Variants in ENKUR observed in about 807,000 individuals in gnomAD.
ENKUR encodes enkurin, TRPC channel interacting protein, also known as enkurin.
A neutral mutation model predicts 27.6 loss-of-function variants in ENKUR; 19 were observed. The observed-to-expected ratio is 0.69, with a 90% CI of 0.48 to 1.01. The LOEUF is 1.01. Among genes scored for constraint, ENKUR ranks in the 50% least tolerant of loss-of-function variants. The pLI is 0.00. For missense variants in ENKUR, 312 were observed against 310.5 expected (o/e 1.00, Z -0.04); for synonymous variants, 117 against 96.9 (o/e 1.21, Z -1.22).
At chr10:25,023,667 T>G in intron 2 of ENKUR, 1 of 1,614,062 alleles carries the variant, frequency 6.2e-7, no homozygotes, top group East Asian at 2.2e-5. Flanking sequence ...TGAAGAAAAA[T>G]GGAATAATTG....
chr10:25,028,333 G>C (rs1334306357), intron 2 of ENKUR, among the ~76,000 whole-genome samples: 1 of 152,068 alleles, frequency 6.6e-6, no homozygotes, highest in African/African-American at 2.4e-5. Context: ...CACACCTCAG[G>C]CTTCCCATCA....
At chr10:24,987,056 C>G (rs1333768448) in intron 4 of ENKUR, among the ~76,000 whole-genome samples, 1 of 152,204 alleles carries the variant, frequency 6.6e-6, no homozygotes, top group Non-Finnish European at 1.5e-5. Context: ...AGCTCTTTCG[C>G]CCTCTGGCCT....
chr10:25,026,837 T>A (rs550763459), intron 2 of ENKUR, among the ~76,000 whole-genome samples: 118 of 152,322 alleles, frequency 7.7e-4, no homozygotes, highest in Middle Eastern at 3.4e-3. Flanking sequence ...TTAATTTTTT[T>A]AAAATTAAAC....
chr10:25,032,300 A>G (rs535977783), intron 2 of ENKUR, among the ~76,000 whole-genome samples: 86 of 139,466 alleles, frequency 6.2e-4, no homozygotes, highest in African/African-American at 2.4e-3. Context: ...AGGGAATTAG[A>G]ATCAGAGTAA....
At chr10:25,025,667 C>T (rs1157764842) in intron 2 of ENKUR, 9 of 539,194 alleles carry the variant, frequency 1.7e-5, no homozygotes, top group South Asian at 5.5e-5. Context: ...ACACAGTGCA[C>T]GGACCTTTGA....
intron 2 of ENKUR, among the ~76,000 whole-genome samples, chr10:25,052,459 A>T (rs1334182381): frequency 1.3e-5 from 2 of 152,228 alleles, no homozygotes; most frequent in Non-Finnish European, 2.9e-5. Flanking sequence ...CCTAGTAAGT[A>T]CATTTACACT....
upstream of ENKUR, among the ~76,000 whole-genome samples, chr10:25,019,470 T>C (rs1850675665): frequency 1.3e-5 from 2 of 152,146 alleles, no homozygotes; most frequent in South Asian, 4.1e-4. Context: ...TGGGAGCCTG[T>C]CTGAAAAACA....
At position 24,983,220 on chromosome 10, in the gene ENKUR, G is replaced by A. The variant is rs916143681; in HGVS notation, c.*1150C>T. On this transcript the variant is annotated 3_prime_UTR_variant, in exon 6 of 6. Transcript: ENST00000331161. ...CTTTATCAGGAAACTGAGATTTGGA[G>A]TTAGTTTGTTAAAGCAACTTAAGTT... is the stretch of plus-strand genomic sequence containing the variant. The A allele has an allele frequency of 6.6e-6, 1 of 152,142 alleles. No homozygotes were observed. Among genetic ancestry groups the A allele is most frequent in the African/African-American group, 2.4e-5 (1 of 41,436 alleles). The allele number at this position is 152,142 out of a possible 1,614,324, so 9.4% of individuals were successfully genotyped here. A position where few individuals can be genotyped will look rare whatever the true frequency, so the allele number is the denominator to read the frequency against.
At chr10:25,027,524 G>T (rs574735859) in intron 2 of ENKUR, among the ~76,000 whole-genome samples, 59 of 144,242 alleles carry the variant, frequency 4.1e-4, no homozygotes, top group African/African-American at 1.4e-3. Context: ...GGCAACAAGA[G>T]CAAAACTCCG....
At chr10:25,023,605 G>C (rs746532934) in intron 2 of ENKUR, 1 of 1,614,130 alleles carries the variant, frequency 6.2e-7, no homozygotes, top group Non-Finnish European at 8.5e-7. Flanking sequence ...ATCTGGAAGT[G>C]TGATTTCCCT....
intron 2 of ENKUR, among the ~76,000 whole-genome samples, chr10:24,996,192 G>A (rs1211834273): frequency 1.3e-5 from 2 of 152,188 alleles, no homozygotes; most frequent in Non-Finnish European, 2.9e-5. Context: ...CCACGGTGAC[G>A]TGGGCAGATC....
At chr10:25,059,792 C>T (rs1386284269) in intron 2 of ENKUR, among the ~76,000 whole-genome samples, 2 of 151,942 alleles carry the variant, frequency 1.3e-5, no homozygotes, top group African/African-American at 4.8e-5. Context: ...CCACTGCATT[C>T]CAGCCTGGGT....
intron 2 of ENKUR, chr10:25,025,087 G>A (rs1011940155): frequency 4.3e-6 from 7 of 1,614,070 alleles, no homozygotes; most frequent in African/African-American, 1.3e-5. Context: ...GTGCTCTGAG[G>A]GAGAGTGCCT....
At chr10:25,025,481 C>T (rs1475573179) in intron 2 of ENKUR, 1 of 1,575,030 alleles carries the variant, frequency 6.3e-7, no homozygotes, top group African/African-American at 1.4e-5. Flanking sequence ...ATTTTTTTTT[C>T]TAGCTATAAG....
At chr10:25,023,356 T>C (rs1435548019) in intron 2 of ENKUR, 1 of 1,614,148 alleles carries the variant, frequency 6.2e-7, no homozygotes, top group Admixed American at 1.7e-5. Flanking sequence ...ATTGAGGAAG[T>C]CATGGTATTC....
chr10:24,989,547 AG>A (rs754711396), intron 4 of ENKUR, among the ~76,000 whole-genome samples: 2 of 152,226 alleles, frequency 1.3e-5, no homozygotes, highest in African/African-American at 2.4e-5. Flanking sequence ...ATAGATCCAT[AG>A]TACCTCTCAC....
At chr10:25,013,547 A>T (rs1050495528) in intron 1 of ENKUR, among the ~76,000 whole-genome samples, 5 of 152,236 alleles carry the variant, frequency 3.3e-5, no homozygotes, top group African/African-American at 1.2e-4. Context: ...TATGGAAAGG[A>T]GATAATGGTT....
At chr10:25,058,722 G>A (rs1475018491) in intron 2 of ENKUR, among the ~76,000 whole-genome samples, 4 of 151,980 alleles carry the variant, frequency 2.6e-5, no homozygotes, top group Non-Finnish European at 4.4e-5. Flanking sequence ...CCTGAGGTCA[G>A]GAGTTCGAGA....
intron 1 of ENKUR, among the ~76,000 whole-genome samples, chr10:25,008,124 CT>C (rs1356637498): frequency 2.0e-5 from 3 of 151,818 alleles, no homozygotes; most frequent in Non-Finnish European, 2.9e-5. Flanking sequence ...AAAATACATT[CT>C]AACACTTAAA....
Sources: allele counts gnomAD v4.1 joint callset (sites outside exome capture counted in the v4.1 genomes callset), GRCh38; gene constraint gnomAD v4.1.1; transcripts MANE v1.5; gene names NCBI Gene and HGNC (gene_info 2026-07-23, HGNC 2026-07-21).